PTGES3: variants seen among roughly 807,000 people sequenced by gnomAD.
PTGES3 encodes the protein prostaglandin E synthase 3, also known as Hsp90 co-chaperone.
PTGES3 carries 5 observed loss-of-function variants against 29.9 expected under a neutral mutation model. The observed-to-expected ratio is 0.17, with a 90% confidence interval of 0.09 to 0.35. The LOEUF (loss-of-function observed/expected upper bound fraction) is 0.35, where lower values mean the gene tolerates loss of function less well. Among genes scored for constraint, PTGES3 ranks in the 10% least tolerant of loss-of-function variants. The probability of loss-of-function intolerance (pLI) is 1.00; values close to 1 mark genes in which losing one functional copy is unlikely to be tolerated. For missense variants in PTGES3, 128 were observed against 190.0 expected, an observed-to-expected ratio of 0.67 and a Z score of 1.92; for synonymous variants, 49 against 57.8, an observed-to-expected ratio of 0.85 and a Z score of 0.69.
intron 1 of PTGES3, among the ~76,000 whole-genome samples, chr12:56,680,908 G>C (rs1414622191): frequency 6.6e-6 from 1 of 151,754 alleles, no homozygotes; most frequent in Non-Finnish European, 1.5e-5. Context: ...CTCCATGGTG[G>C]ATGGAACCAC....
At chr12:56,665,987 A>T in intron 6 of PTGES3, 1 of 1,280,526 alleles carries the variant, frequency 7.8e-7, no homozygotes, top group Non-Finnish European at 1.0e-6. Flanking sequence ...TTCTTTGGAA[A>T]TCTAATCCAT....
At chr12:56,670,144 T>C (rs2137609453) in intron 5 of PTGES3, 131 bp downstream of exon 5, 2 of 621,066 alleles carry the variant, frequency 3.2e-6, no homozygotes, top group South Asian at 2.0e-5. Context: ...TTACTATGAC[T>C]GCAAAATGGT....
intron 1 of PTGES3, among the ~76,000 whole-genome samples, chr12:56,682,452 C>A (rs1025557550): frequency 6.6e-6 from 1 of 151,868 alleles, no homozygotes; most frequent in African/African-American, 2.4e-5. Flanking sequence ...GTCCCAACTA[C>A]TGGGGGACCA....
chr12:56,687,586 G>T, intron 1 of PTGES3: 1 of 1,061,476 alleles, frequency 9.4e-7, no homozygotes, highest in Non-Finnish European at 1.1e-6. Context: ...TCGACTCAGG[G>T]CCTGGCCCCG....
In PTGES3 at chr12:56,672,747, T is replaced by A. The variant is rs1952055853; in HGVS notation, c.179A>T (p.Asp60Val). ...AGCATAAAGACTACTTACATTTGGA[T>A]CAATACAGTGAAAAAGATCAATTTC... ...LNEIDLFHCI[D>V]PNDSKHKRTD... Residue 60 changes from aspartate (D) to valine (V), a missense_variant, in exon 3 of 8, where the codon GAT becomes GTT. Physicochemically the swap from Asp to Val is radical, Grantham distance 152. Transcript: ENST00000262033. The A allele has an allele frequency of 1.3e-6, 2 of 1,583,820 alleles. No individual in the cohort carries two copies. Among genetic ancestry groups the A allele is most frequent in the Non-Finnish European group, 1.7e-6 (2 of 1,166,478 alleles).
intron 5 of PTGES3, among the ~76,000 whole-genome samples, chr12:56,668,847 C>CAA (rs1951882454): frequency 6.6e-6 from 1 of 152,036 alleles, no homozygotes; most frequent in Admixed American, 6.6e-5. Context: ...TCTTTCTGTA[C>CAA]TTAGTTTTAT....
At chr12:56,670,563 CTT>C in intron 4 of PTGES3, 199 bp from the exon 5 acceptor site, 1 of 528,674 alleles carries the variant, frequency 1.9e-6, no homozygotes, top group South Asian at 2.2e-5. Flanking sequence ...GACCAAGGGT[CTT>C]GTTTACCCTC....
At chr12:56,667,273 CTT>C (rs1951826310) in intron 5 of PTGES3, among the ~76,000 whole-genome samples, 1 of 152,166 alleles carries the variant, frequency 6.6e-6, no homozygotes, top group African/African-American at 2.4e-5. Context: ...ATGATTTAAA[CTT>C]AAACTATTAT....
rs1263667522 is a variant in PTGES3 at position 56,671,800 on chromosome 12, T to C, written c.234A>G (p.Arg78=). The C allele has an allele frequency of 1.9e-6, 3 of 1,582,358 alleles. No homozygotes were observed. The highest frequency in any genetic ancestry group is 1.4e-5 in the African/African-American group (1 of 73,792). ...RTDRSILCCL[R]KGESGQSWPR... is the part of the protein sequence containing the mutation. Reference sequence around the variant, plus strand: ...GCCATGACTGGCCAGATTCTCCTTTTCGTAAACAACATAAAATTGATCTGT... The same window carrying C: ...GCCATGACTGGCCAGATTCTCCTTTCCGTAAACAACATAAAATTGATCTGT... The change falls in exon 4 of 8, where the codon CGA becomes CGG. Residue 78 remains arginine, a synonymous_variant. Coordinates refer to ENST00000262033, the MANE Select transcript of PTGES3 (RefSeq NM_006601.7).
At chr12:56,677,666 A>T (rs558972358) in intron 1 of PTGES3, among the ~76,000 whole-genome samples, 82 of 150,368 alleles carry the variant, frequency 5.5e-4, no homozygotes, top group Middle Eastern at 7.0e-3. Context: ...TATTATTATT[A>T]TTTTTTTTTG....
Position 56,683,534 on chromosome 12 carries a change from C to CCAGCTACT in PTGES3, c.2+4456_2+4463dup, listed in dbSNP as rs1487539242. 1.2e-4 allele frequency among the ~76,000 whole-genome samples: 18 copies of CCAGCTACT among 148,392 alleles called. 1 individual carries two copies. In the South Asian group the frequency reaches 3.8e-3, roughly 32 times the overall value. On this transcript the variant is annotated intron_variant, in intron 1 of 7. Coordinates refer to ENST00000262033, the MANE Select transcript of PTGES3 (RefSeq NM_006601.7). Reference sequence around the variant, plus strand: ...GGCATGGCGGCAGGCACCTGGAATCCCAGCTACTCAGGAAGCTGAGGCAGA... The same window carrying CCAGCTACT: ...GGCATGGCGGCAGGCACCTGGAATCCCAGCTACTCAGCTACTCAGGAAGCTGAGGCAGA...
At chr12:56,674,828 A>C (rs1323856531) in intron 1 of PTGES3, among the ~76,000 whole-genome samples, 1 of 86,968 alleles carries the variant, frequency 1.1e-5, no homozygotes. Flanking sequence ...TCCATCTCAA[A>C]AAAAAAAAAA....
chr12:56,670,632 A>C, intron 4 of PTGES3: 1 of 318,374 alleles, frequency 3.1e-6, no homozygotes. Flanking sequence ...ATGTTAACTT[A>C]GCGTGGTTAC....
intron 1 of PTGES3, among the ~76,000 whole-genome samples, chr12:56,673,280 A>G (rs1346179153): frequency 6.6e-6 from 1 of 152,108 alleles, no homozygotes; most frequent in African/African-American, 2.4e-5. Context: ...AATAGGAAAG[A>G]TTTAAAAACC....
At chr12:56,674,857 C>T (rs183296768) in intron 1 of PTGES3, among the ~76,000 whole-genome samples, 2,815 of 61,906 alleles carry the variant, frequency 0.045, 47 homozygotes, top group Non-Finnish European at 0.061. Flanking sequence ...AAAAAAAATT[C>T]GCCAGGCGTG....
intron 1 of PTGES3, chr12:56,686,863 T>TA (rs1952888214): frequency 2.7e-6 from 1 of 370,738 alleles, no homozygotes; most frequent in Admixed American, 5.5e-5. Context: ...AGCAAATCCT[T>TA]ATTACTTTTC....
chr12:56,669,548 G>A (rs1951920664), intron 5 of PTGES3, among the ~76,000 whole-genome samples: 1 of 152,168 alleles, frequency 6.6e-6, no homozygotes, highest in Non-Finnish European at 1.5e-5. Flanking sequence ...CTCCCAAAGT[G>A]CTGGGATTAC....
chr12:56,680,809 T>TG (rs1952498169), intron 1 of PTGES3, among the ~76,000 whole-genome samples: 1 of 151,420 alleles, frequency 6.6e-6, no homozygotes. Flanking sequence ...GACCAGTTCT[T>TG]GCTTTGTCAT....
intron 1 of PTGES3, among the ~76,000 whole-genome samples, chr12:56,683,820 G>A (rs1592283017): frequency 6.6e-6 from 1 of 150,870 alleles, no homozygotes; most frequent in Non-Finnish European, 1.5e-5. Context: ...TTAGCCGGGC[G>A]AGGTGGCGGG....
Sources: gnomAD v4.1 joint callset for allele counts (sites outside exome capture counted in the v4.1 genomes callset) on GRCh38, gnomAD v4.1.1 for gene constraint, MANE v1.5 for transcripts, NCBI Gene and HGNC (gene_info 2026-07-23, HGNC 2026-07-21) for gene names.